The following CTNNA3 variants were observed in gnomAD, a reference collection of about 807,000 sequenced individuals.
CTNNA3 encodes the protein catenin alpha 3, also known as catenin alpha-3.
Under a neutral mutation model 95.7 loss-of-function variants are expected in CTNNA3, and 76 were observed. The observed-to-expected ratio is 0.79, with a 90% confidence interval of 0.66 to 0.96. The LOEUF (loss-of-function observed/expected upper bound fraction) is 0.96. Among genes scored for constraint, CTNNA3 ranks in the 40% least tolerant of loss-of-function variants. CTNNA3 has a pLI of 0.00. For missense variants in CTNNA3, 1,191 were observed against 1,089.8 expected (o/e 1.09, Z -1.31); for synonymous variants, 431 against 374.4 (o/e 1.15, Z -1.74).
At chr10:66,523,786 T>C (rs1358915049) in intron 10 of CTNNA3, among the ~76,000 whole-genome samples, 1 of 152,166 alleles carries the variant, frequency 6.6e-6, no homozygotes, top group East Asian at 1.9e-4. Context: ...CCAGTCTCTA[T>C]TTGCTCTTAG....
At position 67,033,780 on chromosome 10, in the gene CTNNA3, T is replaced by C. The variant is rs560027410; in HGVS notation, c.1047+146537A>G. Among the ~76,000 whole-genome samples the C allele has an allele frequency of 2.6e-5, 4 of 152,288 alleles. No homozygotes were observed. The East Asian group carries it at 7.7e-4, about 29-fold the overall frequency. On this transcript the variant is annotated intron_variant, in intron 7 of 17. Coordinates refer to ENST00000433211, the MANE Select transcript of CTNNA3 (RefSeq NM_013266.4). The stretch of plus-strand genomic sequence containing the variant: ...ACTTTTACTGTATAGTGTTTCTTTT[T>C]GTTTTTTTTGGACGAAGTCTCACTC...
intron 2 of CTNNA3, among the ~76,000 whole-genome samples, chr10:67,636,160 A>G (rs557966473): frequency 3.3e-5 from 5 of 152,328 alleles, no homozygotes; most frequent in Non-Finnish European, 1.5e-5. Context: ...GCTCAAAGAA[A>G]TCAGAGAGGA....
chr10:67,609,090 CAA>C (rs397977100), intron 2 of CTNNA3, among the ~76,000 whole-genome samples: 6 of 79,656 alleles, frequency 7.5e-5, no homozygotes, highest in Non-Finnish European at 1.0e-4. Context: ...AACTCTATCT[CAA>C]AAAAAAAAAA....
intron 11 of CTNNA3, among the ~76,000 whole-genome samples, chr10:66,424,323 T>A (rs2093221510): frequency 6.6e-6 from 1 of 152,034 alleles, no homozygotes. Context: ...TTATTTTTAT[T>A]TTCTTCTACT....
chr10:66,407,816 C>A (rs528323268), intron 11 of CTNNA3, among the ~76,000 whole-genome samples: 2 of 152,194 alleles, frequency 1.3e-5, no homozygotes, highest in South Asian at 2.1e-4. Flanking sequence ...CCTGACCTTG[C>A]GATCCACCCG....
chr10:67,691,826 C>T (rs1170897539), intron 1 of CTNNA3, among the ~76,000 whole-genome samples: 7 of 148,880 alleles, frequency 4.7e-5, no homozygotes, highest in East Asian at 2.1e-4. Context: ...TCTGCCCGGC[C>T]GCCCCTACTG....
intron 15 of CTNNA3, among the ~76,000 whole-genome samples, chr10:66,059,556 T>A: frequency 6.6e-6 from 1 of 152,122 alleles, no homozygotes; most frequent in East Asian, 1.9e-4. Flanking sequence ...CTTTCCTTTA[T>A]ATCTTTTTCT....
intron 10 of CTNNA3, among the ~76,000 whole-genome samples, chr10:66,575,978 T>C (rs549486978): frequency 7.3e-4 from 111 of 152,182 alleles, no homozygotes; most frequent in Admixed American, 1.6e-3. Context: ...TTAAGTAAAG[T>C]TCAGCTGGAC....
At chr10:67,303,254 G>C (rs1840401601) in intron 5 of CTNNA3, among the ~76,000 whole-genome samples, 1 of 152,226 alleles carries the variant, frequency 6.6e-6, no homozygotes, top group Non-Finnish European at 1.5e-5. Flanking sequence ...GAGAGAATCA[G>C]TGACCTTTGG....
At chr10:66,344,815 C>T (rs1233494355) in intron 12 of CTNNA3, among the ~76,000 whole-genome samples, 1 of 151,910 alleles carries the variant, frequency 6.6e-6, no homozygotes, top group Non-Finnish European at 1.5e-5. Context: ...ATAAATATGG[C>T]CTTATCATAT....
chr10:66,818,270 G>A (rs1842165943), intron 7 of CTNNA3, among the ~76,000 whole-genome samples: 1 of 151,548 alleles, frequency 6.6e-6, no homozygotes, highest in Non-Finnish European at 1.5e-5. Flanking sequence ...CATTGTGCTG[G>A]AATTCTAACT....
At chr10:66,518,621 A>G (rs1840946577) in intron 11 of CTNNA3, among the ~76,000 whole-genome samples, 1 of 152,138 alleles carries the variant, frequency 6.6e-6, no homozygotes, top group South Asian at 2.1e-4. Flanking sequence ...ATAAATGAAT[A>G]AGTTCTTGAA....
At chr10:67,217,736 T>C (rs1864448783) in intron 6 of CTNNA3, among the ~76,000 whole-genome samples, 1 of 152,208 alleles carries the variant, frequency 6.6e-6, no homozygotes, top group Non-Finnish European at 1.5e-5. Context: ...GAATGCATTG[T>C]CTGAGATAAA....
At chr10:66,679,677 ACT>A (rs1291127365) in intron 9 of CTNNA3, among the ~76,000 whole-genome samples, 1 of 152,104 alleles carries the variant, frequency 6.6e-6, no homozygotes, top group Non-Finnish European at 1.5e-5. Flanking sequence ...ATAAAAATAT[ACT>A]CTTTTTTACT....
At chr10:67,479,023 C>T (rs185179862) in intron 5 of CTNNA3, among the ~76,000 whole-genome samples, 24 of 152,126 alleles carry the variant, frequency 1.6e-4, no homozygotes, top group African/African-American at 5.5e-4. Flanking sequence ...GGTTATTACA[C>T]AACGATAAAA....
intron 10 of CTNNA3, among the ~76,000 whole-genome samples, chr10:66,533,240 T>C (rs939822524): frequency 2.0e-5 from 3 of 152,178 alleles, no homozygotes; most frequent in African/African-American, 7.2e-5. Context: ...TTGTCTATGC[T>C]TTTCTTTCTG....
intron 5 of CTNNA3, among the ~76,000 whole-genome samples, chr10:67,426,819 G>A (rs966878532): frequency 6.7e-6 from 1 of 150,200 alleles, no homozygotes; most frequent in African/African-American, 2.5e-5. Flanking sequence ...AAAAAAAAAA[G>A]AAAGTTGTTA....
rs1564841435 is a variant in CTNNA3 at position 67,726,702 on chromosome 10, T to TATACATC, written c.-2+36731_-2+36732insGATGTAT. ...ATAATATATGATGTATTATATATAA[T>TATACATC]ATATATCATATATCATATATCATAA... On this transcript the variant is annotated intron_variant, in intron 1 of 17. Transcript: ENST00000684154. Among the ~76,000 whole-genome samples, 4 of 1,952 alleles carry TATACATC rather than the reference T, an allele frequency of 2.0e-3. No homozygotes were observed. In the East Asian group the frequency reaches 0.06, roughly 29 times the overall value. The allele number at this position is 1,952 out of a possible 152,430, so 1.3% of individuals were successfully genotyped here. A position where few individuals can be genotyped will look rare whatever the true frequency, so the allele number is the denominator to read the frequency against.
intron 7 of CTNNA3, among the ~76,000 whole-genome samples, chr10:66,786,751 A>G (rs1055278365): frequency 5.9e-5 from 9 of 152,298 alleles, no homozygotes; most frequent in Non-Finnish European, 1.0e-4. Flanking sequence ...CATCCCACAT[A>G]TGAAATATGC....
Sources: gnomAD v4.1 joint callset for allele counts (sites outside exome capture counted in the v4.1 genomes callset) on GRCh38, gnomAD v4.1.1 for gene constraint, MANE v1.5 for transcripts, NCBI Gene and HGNC (gene_info 2026-07-23, HGNC 2026-07-21) for gene names.